Variants in ESRRG observed in about 807,000 individuals in gnomAD.
ESRRG encodes the protein estrogen related receptor gamma, also known as estrogen-related receptor gamma.
Under a neutral mutation model 44.0 loss-of-function variants are expected in ESRRG, and 13 were observed. The ratio of observed to expected loss-of-function variants is 0.30; its 90% CI spans 0.19 to 0.47. ESRRG has a LOEUF of 0.47. Among genes scored for constraint, ESRRG ranks in the 20% least tolerant of loss-of-function variants. The probability of loss-of-function intolerance (pLI) is 1.00; values close to 1 mark genes in which losing one functional copy is unlikely to be tolerated. For missense variants in ESRRG, 395 were observed against 580.6 expected, an observed-to-expected ratio of 0.68 and a Z score of 3.29; for synonymous variants, 215 against 214.6, an observed-to-expected ratio of 1.00 and a Z score of -0.02.
intron 1 of ESRRG, among the ~76,000 whole-genome samples, chr1:217,009,737 G>A (rs1428708098): frequency 4.2e-5 from 5 of 120,236 alleles, no homozygotes; most frequent in Admixed American, 1.1e-4. Context: ...ATGGAGTCTT[G>A]CTGTGTCACC....
intron 2 of ESRRG, among the ~76,000 whole-genome samples, chr1:216,740,031 T>C (rs1005915572): frequency 3.3e-5 from 5 of 152,192 alleles, no homozygotes; most frequent in African/African-American, 1.2e-4. Context: ...TTAGCCCCTT[T>C]GCTGCTGAAG....
At chr1:216,669,969 C>A (rs1184398498) in intron 2 of ESRRG, among the ~76,000 whole-genome samples, 1 of 152,142 alleles carries the variant, frequency 6.6e-6, no homozygotes, top group East Asian at 1.9e-4. Flanking sequence ...TAATTTAACA[C>A]TGCATTCAAA....
intron 2 of ESRRG, among the ~76,000 whole-genome samples, chr1:216,656,361 T>A (rs1478435079): frequency 6.6e-6 from 1 of 152,190 alleles, no homozygotes; most frequent in Admixed American, 6.5e-5. Context: ...ATGGAAGCTC[T>A]CGGTTTTTAA....
At chr1:217,059,732 G>C (rs1483063829) in intron 1 of ESRRG, among the ~76,000 whole-genome samples, 1 of 151,902 alleles carries the variant, frequency 6.6e-6, no homozygotes, top group Non-Finnish European at 1.5e-5. Flanking sequence ...AATACAGGGG[G>C]CAGAGGGACA....
chr1:216,877,559 A>G (rs1023119408), intron 2 of ESRRG, among the ~76,000 whole-genome samples: 4 of 151,770 alleles, frequency 2.6e-5, no homozygotes, highest in African/African-American at 9.7e-5. Context: ...ACGCACCACC[A>G]TACCTGGCTA....
intron 1 of ESRRG, among the ~76,000 whole-genome samples, chr1:217,010,918 T>C (rs1188272422): frequency 6.6e-6 from 1 of 152,150 alleles, no homozygotes; most frequent in Non-Finnish European, 1.5e-5. Flanking sequence ...TCCTTACCCA[T>C]CCCTTGAGAC....
At chr1:216,519,771 C>A (rs2045500619) in intron 5 of ESRRG, among the ~76,000 whole-genome samples, 2 of 138,088 alleles carry the variant, frequency 1.4e-5, no homozygotes, top group African/African-American at 2.7e-5. Flanking sequence ...AGATTTTCAA[C>A]TATCTCATCT....
chr1:216,553,150 T>C (rs555998012), intron 5 of ESRRG, among the ~76,000 whole-genome samples: 41 of 152,184 alleles, frequency 2.7e-4, no homozygotes, highest in Admixed American at 3.3e-4. Context: ...CAGGAAGAGT[T>C]AGTTTCTCCA....
intron 3 of ESRRG, among the ~76,000 whole-genome samples, chr1:216,591,294 G>A (rs12133226): frequency 0.2 from 30,172 of 152,166 alleles, 3,776 homozygotes; most frequent in Non-Finnish European, 0.28. Flanking sequence ...CTAACAGATG[G>A]AGCTCGAAGA....
chr1:216,518,365 T>C (rs936217482), intron 6 of ESRRG, among the ~76,000 whole-genome samples: 2 of 152,004 alleles, frequency 1.3e-5, no homozygotes, highest in African/African-American at 2.4e-5. Context: ...AGTTCAAAGA[T>C]AGGGTCAAAA....
At chr1:216,515,408 C>T (rs2043948226) in intron 6 of ESRRG, among the ~76,000 whole-genome samples, 1 of 152,000 alleles carries the variant, frequency 6.6e-6, no homozygotes. Flanking sequence ...CTAAGTCAAA[C>T]CTATATGAGA....
chr1:216,768,566 T>G (rs770896461), intron 2 of ESRRG, among the ~76,000 whole-genome samples: 1 of 152,110 alleles, frequency 6.6e-6, no homozygotes, highest in Non-Finnish European at 1.5e-5. Context: ...CATAGCTCAC[T>G]GAAGCCTTGA....
chr1:217,131,664 A>C (rs139490104), intron 1 of ESRRG, among the ~76,000 whole-genome samples: 2 of 152,360 alleles, frequency 1.3e-5, no homozygotes, highest in East Asian at 3.9e-4. Flanking sequence ...ATACGTATTC[A>C]GTGGTCAACT....
intron 3 of ESRRG, among the ~76,000 whole-genome samples, chr1:216,585,448 T>C (rs2063579782): frequency 1.3e-5 from 2 of 152,038 alleles, no homozygotes; most frequent in Admixed American, 1.3e-4. Flanking sequence ...TACATAATTG[T>C]AAAATTTCTC....
At chr1:217,108,167 A>G in intron 1 of ESRRG, among the ~76,000 whole-genome samples, 1 of 152,206 alleles carries the variant, frequency 6.6e-6, no homozygotes, top group Non-Finnish European at 1.5e-5. Context: ...GACCAAATAC[A>G]GTTGCCACTT....
intron 1 of ESRRG, among the ~76,000 whole-genome samples, chr1:216,999,442 T>G (rs1017773279): frequency 6.6e-6 from 1 of 152,204 alleles, no homozygotes; most frequent in African/African-American, 2.4e-5. Context: ...CAAGGTATTT[T>G]TTCTCTGTTA....
At chr1:216,515,524 C>T (rs1467690902) in intron 6 of ESRRG, among the ~76,000 whole-genome samples, 1 of 152,024 alleles carries the variant, frequency 6.6e-6, no homozygotes, top group Non-Finnish European at 1.5e-5. Flanking sequence ...ACCATTTGTC[C>T]TTAAGAACAA....
intron 1 of ESRRG, among the ~76,000 whole-genome samples, chr1:217,123,341 C>A (rs867499366): frequency 3.3e-5 from 5 of 152,120 alleles, no homozygotes; most frequent in South Asian, 2.1e-4. Context: ...CCCAAATAGG[C>A]CTTCAATTTT....
chr1:216,937,301 G>C (rs373215575), intron 2 of ESRRG, among the ~76,000 whole-genome samples: 3 of 152,084 alleles, frequency 2.0e-5, no homozygotes, highest in Non-Finnish European at 2.9e-5. Flanking sequence ...AGGTATTAAA[G>C]TACCAATGAT....
Sources: allele counts gnomAD v4.1 joint callset (sites outside exome capture counted in the v4.1 genomes callset), GRCh38; gene constraint gnomAD v4.1.1; transcripts MANE v1.5; gene names NCBI Gene and HGNC (gene_info 2026-07-23, HGNC 2026-07-21).